MUSK: variants seen among roughly 807,000 people sequenced by gnomAD.
MUSK encodes the protein muscle, skeletal receptor tyrosine-protein kinase.
In MUSK, 55 loss-of-function variants were observed where a neutral mutation model predicts 88.7. That is an observed-to-expected ratio of 0.62 (90% CI 0.50 to 0.78). The LOEUF is 0.78. Ranked by LOEUF, MUSK falls within the 30% of genes least tolerant of loss-of-function variation. The pLI, the probability that MUSK is intolerant of heterozygous loss-of-function variation, is 0.00. For missense variants in MUSK, 1,015 were observed against 1,074.3 expected (o/e 0.94, Z 0.77); for synonymous variants, 387 against 391.9 (o/e 0.99, Z 0.15).
intron 5 of MUSK, among the ~76,000 whole-genome samples, chr9:110,728,071 C>A (rs757313764): frequency 6.6e-6 from 1 of 152,030 alleles, no homozygotes; most frequent in Non-Finnish European, 1.5e-5. Flanking sequence ...TTTACAATAT[C>A]CTGTGGACCT....
intron 8 of MUSK, among the ~76,000 whole-genome samples, chr9:110,762,698 A>C (rs986418277): frequency 6.6e-6 from 1 of 152,220 alleles, no homozygotes; most frequent in African/African-American, 2.4e-5. Flanking sequence ...TCTAACCTAT[A>C]TATAAGAAGG....
intron 5 of MUSK, among the ~76,000 whole-genome samples, chr9:110,733,240 G>A (rs547929511): frequency 6.6e-6 from 1 of 152,138 alleles, no homozygotes; most frequent in Non-Finnish European, 1.5e-5. Flanking sequence ...CACTGAATTT[G>A]AAGTCAGAAG....
intron 5 of MUSK, among the ~76,000 whole-genome samples, chr9:110,709,289 A>G (rs1200336186): frequency 1.3e-5 from 2 of 152,186 alleles, no homozygotes; most frequent in African/African-American, 4.8e-5. Context: ...AAACTATACA[A>G]GGCATTATTT....
intron 5 of MUSK, among the ~76,000 whole-genome samples, chr9:110,726,082 A>G (rs1303773658): frequency 6.6e-6 from 1 of 152,050 alleles, no homozygotes; most frequent in African/African-American, 2.4e-5. Context: ...TTGTGTGTGC[A>G]TGCATGTAAA....
intron 8 of MUSK, among the ~76,000 whole-genome samples, chr9:110,766,735 C>T (rs1295492720): frequency 6.6e-6 from 1 of 152,008 alleles, no homozygotes; most frequent in African/African-American, 2.4e-5. Flanking sequence ...TATATAAAGA[C>T]AATGAAAAAC....
At chr9:110,700,627 T>G (rs908437210) in intron 5 of MUSK, among the ~76,000 whole-genome samples, 1 of 152,106 alleles carries the variant, frequency 6.6e-6, no homozygotes, top group African/African-American at 2.4e-5. Flanking sequence ...TCGAAAAATA[T>G]TGAAATGTAA....
At chr9:110,798,262 A>G (rs1302144429) in intron 14 of MUSK, among the ~76,000 whole-genome samples, 2 of 152,218 alleles carry the variant, frequency 1.3e-5, no homozygotes, top group South Asian at 4.1e-4. Flanking sequence ...TTTGTTTTAT[A>G]TATTTGATAC....
rs755152064 is a variant in MUSK at position 110,701,680 on chromosome 9, T to TTTTACTTTAC, written c.628+4219_628+4228dup. ...TATTTTATTTATTTTATTTTATTTT[T>TTTTACTTTAC]TTTACTTTACTTTATTTTATTTTAT... On this transcript the variant is annotated intron_variant, in intron 5 of 14. Coordinates refer to ENST00000374448, the MANE Select transcript of MUSK (RefSeq NM_005592.4). 7.6e-3 allele frequency among the ~76,000 whole-genome samples: 68 copies of TTTTACTTTAC among 8,950 alleles called. 32 individuals carry two copies. The highest frequency in any genetic ancestry group is 0.011 in the Non-Finnish European group (56 of 4,948). 5.9% of individuals were successfully genotyped at this position (8,950 alleles called of 152,430 possible). A position where few individuals can be genotyped will look rare whatever the true frequency, so the allele number is the denominator to read the frequency against.
chr9:110,724,088 C>G (rs1035881334), intron 5 of MUSK, among the ~76,000 whole-genome samples: 1 of 151,864 alleles, frequency 6.6e-6, no homozygotes, highest in Admixed American at 6.6e-5. Flanking sequence ...TCTTTTGTGT[C>G]TCTGCTTGTT....
At chr9:110,671,490 G>A (rs570101333) in intron 1 of MUSK, among the ~76,000 whole-genome samples, 1 of 152,080 alleles carries the variant, frequency 6.6e-6, no homozygotes, top group Non-Finnish European at 1.5e-5. Context: ...GTATTCAGTG[G>A]ATTATTTTCT....
At chr9:110,739,698 A>ACTT (rs1310640198) in intron 6 of MUSK, among the ~76,000 whole-genome samples, 1 of 152,116 alleles carries the variant, frequency 6.6e-6, no homozygotes, top group Non-Finnish European at 1.5e-5. Context: ...TAGCCCTTCA[A>ACTT]CTTTTTACTG....
chr9:110,687,478 G>A (rs1258575826), intron 3 of MUSK, among the ~76,000 whole-genome samples: 1 of 151,938 alleles, frequency 6.6e-6, no homozygotes, highest in Non-Finnish European at 1.5e-5. Flanking sequence ...GGGACTACAG[G>A]TGCGTGCCAC....
chr9:110,776,688 A>G, intron 11 of MUSK, 33 bp downstream of exon 11: 1 of 1,543,076 alleles, frequency 6.5e-7, no homozygotes, highest in Non-Finnish European at 8.9e-7. Context: ...TTGAAACCTT[A>G]TGTGTATGTA....
At chr9:110,758,674 T>C (rs2077359491) in intron 7 of MUSK, among the ~76,000 whole-genome samples, 1 of 152,170 alleles carries the variant, frequency 6.6e-6, no homozygotes, top group Admixed American at 6.5e-5. Flanking sequence ...GAAAACCCCA[T>C]AGTCTCTGCC....
intron 14 of MUSK, among the ~76,000 whole-genome samples, chr9:110,790,065 C>T (rs1287272969): frequency 4.6e-5 from 7 of 152,148 alleles, no homozygotes; most frequent in Admixed American, 4.6e-4. Context: ...GAAAAACAAA[C>T]TAAAAACGAG....
At chr9:110,747,953 G>T in intron 7 of MUSK, 153 bp downstream of exon 7, 1 of 1,067,936 alleles carries the variant, frequency 9.4e-7, no homozygotes, top group Non-Finnish European at 1.4e-6. Context: ...TACTCCGGAG[G>T]TGACCTAGAT....
At chr9:110,698,945 T>G (rs1403856619) in intron 5 of MUSK, among the ~76,000 whole-genome samples, 1 of 152,200 alleles carries the variant, frequency 6.6e-6, no homozygotes, top group Non-Finnish European at 1.5e-5. Flanking sequence ...GATGCAGAAT[T>G]AATGCTATCC....
At chr9:110,677,729 C>A (rs1430582255) in intron 1 of MUSK, among the ~76,000 whole-genome samples, 2 of 151,894 alleles carry the variant, frequency 1.3e-5, no homozygotes. Context: ...TTTTTTTATT[C>A]CTAGTTTTAT....
chr9:110,745,658 T>C (rs1279662693), intron 6 of MUSK, among the ~76,000 whole-genome samples: 1 of 152,104 alleles, frequency 6.6e-6, no homozygotes, highest in Admixed American at 6.5e-5. Flanking sequence ...TAATGATGAG[T>C]TTAGTTTGAA....
Sources: gnomAD v4.1 joint callset for allele counts (sites outside exome capture counted in the v4.1 genomes callset) on GRCh38, gnomAD v4.1.1 for gene constraint, MANE v1.5 for transcripts, NCBI Gene and HGNC (gene_info 2026-07-23, HGNC 2026-07-21) for gene names.